Variants in SBF2 observed in about 807,000 individuals in gnomAD.
SBF2 encodes the protein SET binding factor 2.
Under a neutral mutation model 225.2 loss-of-function variants are expected in SBF2, and 112 were observed. The observed-to-expected ratio is 0.50, with a 90% confidence interval of 0.43 to 0.58. The LOEUF is 0.58. SBF2 is among the 20% of genes least tolerant of loss of function. SBF2 has a pLI of 0.00. For synonymous variants in SBF2, 763 were observed against 773.3 expected (o/e 0.99, Z 0.22); for missense variants, 1,996 against 2,206.2 (o/e 0.90, Z 1.91).
chr11:10,088,177 C>T (rs1434002454), intron 2 of SBF2, among the ~76,000 whole-genome samples: 3 of 151,976 alleles, frequency 2.0e-5, no homozygotes, highest in African/African-American at 2.4e-5. Flanking sequence ...GTGCACACCA[C>T]CACGGCCGGC....
chr11:10,061,066 G>A (rs999575986), intron 2 of SBF2, among the ~76,000 whole-genome samples: 2 of 151,926 alleles, frequency 1.3e-5, no homozygotes, highest in East Asian at 1.9e-4. Context: ...ATCTGTAAAT[G>A]TGATTCATAA....
chr11:9,876,199 C>T (rs1322122980), intron 17 of SBF2, among the ~76,000 whole-genome samples: 3 of 152,272 alleles, frequency 2.0e-5, no homozygotes, highest in East Asian at 3.9e-4. Context: ...TTTGCTTTCT[C>T]CCTGCCATGA....
chr11:10,034,740 A>G (rs764525098), intron 3 of SBF2, among the ~76,000 whole-genome samples: 2 of 152,234 alleles, frequency 1.3e-5, no homozygotes, highest in Non-Finnish European at 2.9e-5. Flanking sequence ...TGTAATATAT[A>G]GCAAGTATAC....
chr11:10,262,477 C>A (rs1301202968), intron 1 of SBF2, among the ~76,000 whole-genome samples: 3 of 152,124 alleles, frequency 2.0e-5, no homozygotes, highest in African/African-American at 4.8e-5. Context: ...GTCTTACTGT[C>A]TAGAGCACTC....
chr11:10,002,837 CTA>C, intron 6 of SBF2, 148 bp from the exon 7 acceptor site: 1 of 744,046 alleles, frequency 1.3e-6, no homozygotes, highest in East Asian at 2.6e-5. Flanking sequence ...TCCATATAAT[CTA>C]TGAGTATTTG....
chr11:10,074,589 G>A (rs1214326854), intron 2 of SBF2, among the ~76,000 whole-genome samples: 1 of 152,044 alleles, frequency 6.6e-6, no homozygotes, highest in Non-Finnish European at 1.5e-5. Flanking sequence ...CTTATTTTAA[G>A]TGTTTTATAT....
chr11:9,951,769 C>T (rs1321124804), intron 16 of SBF2, among the ~76,000 whole-genome samples: 3 of 152,128 alleles, frequency 2.0e-5, no homozygotes, highest in Admixed American at 6.5e-5. Flanking sequence ...ATTATAAGTG[C>T]TGACTGGATG....
At chr11:10,215,045 C>T (rs545046164) in intron 1 of SBF2, among the ~76,000 whole-genome samples, 22 of 152,248 alleles carry the variant, frequency 1.4e-4, no homozygotes, top group African/African-American at 5.1e-4. Context: ...AGCTGGCAAG[C>T]AAGGAAGCTC....
intron 17 of SBF2, among the ~76,000 whole-genome samples, chr11:9,894,509 C>A (rs1050134768): frequency 6.8e-6 from 1 of 148,132 alleles, no homozygotes; most frequent in Non-Finnish European, 1.5e-5. Flanking sequence ...AGAGCGAGAC[C>A]CTGTCACAAA....
Position 9,856,574 on chromosome 11 carries a change from G to A in SBF2, c.2247C>T (p.His749=), listed in dbSNP as rs776428302. 1 of 1,614,148 alleles carries A rather than the reference G, an allele frequency of 6.2e-7. No individual in the cohort carries two copies. Among genetic ancestry groups the A allele is most frequent in the Non-Finnish European group, 8.5e-7 (1 of 1,180,034 alleles). The part of the protein sequence containing the change: ...EESTVFSQAI[H]FANLMVNLLV... ...GCAGGTTCACCATGAGGTTTGCAAA[G>A]TGAATGGCCTGACTAAAGACAGTGC... Residue 749 remains histidine (H), a synonymous_variant, in exon 19 of 40, where the codon CAC becomes CAT. Transcript: ENST00000256190.
intron 1 of SBF2, among the ~76,000 whole-genome samples, chr11:10,203,038 T>G: frequency 6.9e-6 from 1 of 144,262 alleles, no homozygotes; most frequent in Non-Finnish European, 1.5e-5. Flanking sequence ...GATCTAGATG[T>G]TTAGCTGGGG....
At chr11:10,043,094 ATG>A in intron 2 of SBF2, 113 bp from the exon 3 acceptor site, 1 of 1,046,442 alleles carries the variant, frequency 9.6e-7, no homozygotes, top group Non-Finnish European at 1.4e-6. Flanking sequence ...CTGATGTGGT[ATG>A]AGTCTAAAGC....
intron 2 of SBF2, among the ~76,000 whole-genome samples, chr11:10,108,112 G>T (rs1952636897): frequency 6.6e-6 from 1 of 152,198 alleles, no homozygotes; most frequent in Non-Finnish European, 1.5e-5. Flanking sequence ...TCTCATGCCT[G>T]AGTCTCCGGA....
chr11:10,304,607 C>G (rs768514084), exon 1 of SBF2: 11 of 100,642 alleles, frequency 1.1e-4, no homozygotes, highest in African/African-American at 1.2e-4. Flanking sequence ...GGTCGCGGCC[C>G]GGTCAGGCGC....
chr11:10,102,750 A>G (rs1176433141), intron 2 of SBF2, among the ~76,000 whole-genome samples: 1 of 152,166 alleles, frequency 6.6e-6, no homozygotes, highest in Non-Finnish European at 1.5e-5. Context: ...ATATGGGGCC[A>G]CAGTCTGGGC....
chr11:9,959,983 T>C (rs776563701), intron 16 of SBF2: 3 of 301,590 alleles, frequency 9.9e-6, no homozygotes, highest in Non-Finnish European at 2.0e-5. Flanking sequence ...TACTGATTTG[T>C]AGGGTTTTTT....
At chr11:10,023,882 T>C (rs1418298918) in intron 6 of SBF2, among the ~76,000 whole-genome samples, 1 of 152,166 alleles carries the variant, frequency 6.6e-6, no homozygotes, top group Non-Finnish European at 1.5e-5. Flanking sequence ...TTTTTAAGAA[T>C]CTGATACATT....
intron 16 of SBF2, among the ~76,000 whole-genome samples, chr11:9,938,623 A>ATAT (rs2134284550): frequency 6.6e-6 from 1 of 152,336 alleles, no homozygotes; most frequent in East Asian, 1.9e-4. Context: ...TACATGACAA[A>ATAT]TATTATAGTT....
At chr11:10,112,082 A>G (rs1039615540) in intron 2 of SBF2, among the ~76,000 whole-genome samples, 2 of 152,254 alleles carry the variant, frequency 1.3e-5, no homozygotes, top group Admixed American at 1.3e-4. Context: ...GAATAAGACC[A>G]GCCATGAACT....
Sources: gnomAD v4.1 joint callset for allele counts (sites outside exome capture counted in the v4.1 genomes callset) on GRCh38, gnomAD v4.1.1 for gene constraint, MANE v1.5 for transcripts, NCBI Gene and HGNC (gene_info 2026-07-23, HGNC 2026-07-21) for gene names.